DNER: variants seen among roughly 807,000 people sequenced by gnomAD.
DNER encodes the protein delta and Notch-like epidermal growth factor-related receptor.
In DNER, 33 loss-of-function variants were observed where a neutral mutation model predicts 78.2. That is an observed-to-expected ratio of 0.42 (90% CI 0.32 to 0.56). The LOEUF (loss-of-function observed/expected upper bound fraction) is 0.56, where lower values mean the gene tolerates loss of function less well. Ranked by LOEUF, DNER falls within the 20% of genes least tolerant of loss-of-function variation. The probability of loss-of-function intolerance (pLI) is 0.11; values close to 1 mark genes in which losing one functional copy is unlikely to be tolerated. For missense variants in DNER, 918 were observed against 975.3 expected (o/e 0.94, Z 0.78); for synonymous variants, 417 against 384.8 (o/e 1.08, Z -0.98).
At chr2:229,679,116 C>T (rs1699347201) in intron 1 of DNER, among the ~76,000 whole-genome samples, 1 of 152,182 alleles carries the variant, frequency 6.6e-6, no homozygotes, top group Admixed American at 6.5e-5. Flanking sequence ...TACCATTGTT[C>T]ACACACCAGG....
chr2:229,554,935 G>A (rs1365457269), intron 4 of DNER, among the ~76,000 whole-genome samples: 745 of 51,820 alleles, frequency 0.014, 36 homozygotes, highest in Middle Eastern at 0.022. Flanking sequence ...GAGAAGAGAA[G>A]AGAGAAAAGG....
At chr2:229,682,007 A>C (rs1699396345) in intron 1 of DNER, among the ~76,000 whole-genome samples, 1 of 152,180 alleles carries the variant, frequency 6.6e-6, no homozygotes, top group Non-Finnish European at 1.5e-5. Flanking sequence ...AACCATATTA[A>C]AGGTTTGAAT....
In DNER at chr2:229,465,323, T is replaced by C. The variant is rs1259802385; in HGVS notation, c.1261+11817A>G. Among the ~76,000 whole-genome samples, 4 of 152,078 alleles carry C rather than the reference T, an allele frequency of 2.6e-5. No homozygotes were observed. In the South Asian group the frequency reaches 8.3e-4, roughly 32 times the overall value. On this transcript the variant is annotated intron_variant, in intron 7 of 12. Coordinates refer to ENST00000341772, the MANE Select transcript of DNER (RefSeq NM_139072.4). ...GAAGCCATTGTCTTCAGCAAACTAATGCAGGAACAGAAGACCAAGCACCAC... is the reference window on the plus strand; with the variant it reads ...GAAGCCATTGTCTTCAGCAAACTAACGCAGGAACAGAAGACCAAGCACCAC...
At chr2:229,389,827 A>G (rs1251437398) in intron 10 of DNER, among the ~76,000 whole-genome samples, 1 of 152,218 alleles carries the variant, frequency 6.6e-6, no homozygotes, top group Non-Finnish European at 1.5e-5. Flanking sequence ...CAAAACATTT[A>G]CAACTTCTAG....
chr2:229,505,640 G>A (rs912346613), intron 6 of DNER, among the ~76,000 whole-genome samples: 2 of 152,086 alleles, frequency 1.3e-5, no homozygotes, highest in East Asian at 1.9e-4. Flanking sequence ...ATGGTTCTAC[G>A]GCTGCCTTAA....
chr2:229,554,857 A>AAAGAGAAGAGAAGAGAAGAG (rs869140188), intron 4 of DNER, among the ~76,000 whole-genome samples: 19 of 51,254 alleles, frequency 3.7e-4, no homozygotes, highest in African/African-American at 6.0e-4. Context: ...CCTGAAAGGA[A>AAAGAGAAGAGAAGAGAAGAG]AAGAGAAGAG....
intron 12 of DNER, 101 bp from the exon 13 acceptor site, chr2:229,358,752 C>A: frequency 1.1e-6 from 1 of 947,898 alleles, no homozygotes; most frequent in Non-Finnish European, 1.6e-6. Flanking sequence ...TTAAATGAAA[C>A]TGTAAAAACA....
chr2:229,660,682 C>T (rs543426818), intron 1 of DNER, among the ~76,000 whole-genome samples: 1 of 152,278 alleles, frequency 6.6e-6, no homozygotes, highest in South Asian at 2.1e-4. Context: ...ACATGTGATA[C>T]TAACAAATTC....
intron 7 of DNER, among the ~76,000 whole-genome samples, chr2:229,469,635 A>T (rs554790261): frequency 8.5e-5 from 13 of 152,368 alleles, no homozygotes; most frequent in Admixed American, 6.5e-4. Context: ...CTGCTAAGTT[A>T]TGCTGAATAA....
At chr2:229,679,473 A>G (rs1699351492) in intron 1 of DNER, among the ~76,000 whole-genome samples, 1 of 152,190 alleles carries the variant, frequency 6.6e-6, no homozygotes. Flanking sequence ...ATATTTTTCT[A>G]CTACCCTGTC....
At chr2:229,472,257 C>T (rs1694939684) in intron 7 of DNER, among the ~76,000 whole-genome samples, 1 of 152,130 alleles carries the variant, frequency 6.6e-6, no homozygotes, top group African/African-American at 2.4e-5. Flanking sequence ...GCCCCATATT[C>T]TCTCTTTGGT....
chr2:229,607,999 G>C (rs1697971367), intron 1 of DNER, among the ~76,000 whole-genome samples: 1 of 135,824 alleles, frequency 7.4e-6, no homozygotes, highest in Non-Finnish European at 1.5e-5. Flanking sequence ...TCCAGCCTGG[G>C]TGACAGAGCG....
At chr2:229,615,984 AC>A (rs1285691241) in intron 1 of DNER, among the ~76,000 whole-genome samples, 2 of 151,524 alleles carry the variant, frequency 1.3e-5, no homozygotes, top group African/African-American at 4.9e-5. Context: ...AAGTGAAGGA[AC>A]CCCTTTTACT....
chr2:229,564,735 A>G (rs1697068760), intron 4 of DNER, among the ~76,000 whole-genome samples: 2 of 152,122 alleles, frequency 1.3e-5, no homozygotes, highest in Admixed American at 1.3e-4. Context: ...CACCATCATC[A>G]TCATCATCAT....
At chr2:229,700,539 G>A (rs1198171691) in intron 1 of DNER, among the ~76,000 whole-genome samples, 1 of 151,872 alleles carries the variant, frequency 6.6e-6, no homozygotes, top group Non-Finnish European at 1.5e-5. Context: ...GAAATAATGT[G>A]CTTTAGTAAG....
intron 10 of DNER, among the ~76,000 whole-genome samples, chr2:229,389,601 G>A (rs1692972537): frequency 6.6e-6 from 1 of 152,130 alleles, no homozygotes; most frequent in South Asian, 2.1e-4. Flanking sequence ...CAATGTTTCA[G>A]TGTACACTCA....
chr2:229,420,367 C>T (rs1428732829), intron 8 of DNER, among the ~76,000 whole-genome samples: 2 of 152,150 alleles, frequency 1.3e-5, no homozygotes, highest in Non-Finnish European at 2.9e-5. Context: ...TTCTGCCATT[C>T]CATAGGTCAC....
chr2:229,633,045 G>T (rs1297303039), intron 1 of DNER, among the ~76,000 whole-genome samples: 1 of 152,122 alleles, frequency 6.6e-6, no homozygotes, highest in African/African-American at 2.4e-5. Flanking sequence ...TTGTAAATTG[G>T]TACCCTTCTT....
intron 1 of DNER, among the ~76,000 whole-genome samples, chr2:229,673,368 T>G (rs993182102): frequency 1.3e-5 from 2 of 152,186 alleles, no homozygotes; most frequent in African/African-American, 4.8e-5. Context: ...AGTTCTCCCT[T>G]TAATGAGTCC....
Sources: gnomAD v4.1 joint callset for allele counts (sites outside exome capture counted in the v4.1 genomes callset) on GRCh38, gnomAD v4.1.1 for gene constraint, MANE v1.5 for transcripts, NCBI Gene and HGNC (gene_info 2026-07-23, HGNC 2026-07-21) for gene names.